CD109: variants seen among roughly 807,000 people sequenced by gnomAD.
CD109 encodes the protein CD109 antigen.
A neutral mutation model predicts 165.8 loss-of-function variants in CD109; 149 were observed. The ratio of observed to expected loss-of-function variants is 0.90; its 90% CI spans 0.79 to 1.03. The LOEUF is 1.03. Ranked by LOEUF, CD109 falls within the 50% of genes least tolerant of loss-of-function variation. The pLI is 0.00. For synonymous variants in CD109, 585 were observed against 592.1 expected, an observed-to-expected ratio of 0.99 and a Z score of 0.18; for missense variants, 1,712 against 1,677.8, an observed-to-expected ratio of 1.02 and a Z score of -0.36.
intron 22 of CD109, among the ~76,000 whole-genome samples, chr6:73,791,178 C>G (rs7767656): frequency 4.9e-5 from 2 of 41,100 alleles, no homozygotes; most frequent in East Asian, 8.9e-4. Flanking sequence ...TATATATATA[C>G]ACACACACAC....
chr6:73,752,314 GGTTAGGGAAGAAAA>G (rs1773223804), intron 5 of CD109, among the ~76,000 whole-genome samples: 1 of 152,130 alleles, frequency 6.6e-6, no homozygotes, highest in Non-Finnish European at 1.5e-5. Flanking sequence ...ATGGCATCAT[GGTTAGGGAAGAAAA>G]ATTCTGTAAC....
Position 73,808,236 on chromosome 6 carries a change from G to T in CD109, c.3343G>T (p.Ala1115Ser), listed in dbSNP as rs770499492. The change falls in exon 26 of 33, where the codon GCA (alanine) becomes TCA (serine). Residue 1115 changes from alanine (A) to serine (S), a missense_variant. Physicochemically the swap from Ala to Ser is moderately conservative, Grantham distance 99. Transcript: ENST00000287097. ...AGCTTTGAATATGCTGACTTGGAGA[G>T]CAGAACAAGAAGGTAATGTGCTGGG... Reference protein sequence around the residue: ...KEALNMLTWRAEQEGGMQFWV... With the variant: ...KEALNMLTWRSEQEGGMQFWV... 2.5e-5 allele frequency: 40 copies of T among 1,612,598 alleles called. No individual in the cohort carries two copies. Among genetic ancestry groups the T allele is most frequent in the Non-Finnish European group, 3.2e-5 (38 of 1,179,320 alleles).
intron 5 of CD109, among the ~76,000 whole-genome samples, chr6:73,751,919 C>T (rs1773204260): frequency 6.6e-6 from 1 of 152,210 alleles, no homozygotes; most frequent in African/African-American, 2.4e-5. Flanking sequence ...ACAGGTCCTG[C>T]ATCCTTCACC....
rs1336450638 is a variant in CD109, at chr6:73,771,991, C to T, written c.1827+410C>T. 2.6e-5 allele frequency among the ~76,000 whole-genome samples: 4 copies of T among 152,250 alleles called. No individual in the cohort carries two copies. In the East Asian group the frequency reaches 5.8e-4, roughly 22 times the overall value. On this transcript the variant is annotated intron_variant, in intron 15 of 32. Coordinates refer to ENST00000287097, the MANE Select transcript of CD109 (RefSeq NM_133493.5). ...TATGTTAATTAGCTTAATCATTCCA[C>T]AGTATATACAAATATCAATATATCA... is the stretch of plus-strand genomic sequence containing the variant.
intron 15 of CD109, among the ~76,000 whole-genome samples, chr6:73,777,272 T>TA (rs201121102): frequency 2.7e-5 from 4 of 148,774 alleles, no homozygotes; most frequent in East Asian, 2.0e-4. Context: ...TTTGCTGGCT[T>TA]AAAAAAATTT....
intron 10 of CD109, among the ~76,000 whole-genome samples, chr6:73,765,435 C>T (rs141734133): frequency 5.3e-5 from 8 of 152,158 alleles, no homozygotes; most frequent in Non-Finnish European, 8.8e-5. Flanking sequence ...CATGGTTGCT[C>T]ATTTTAGATA....
chr6:73,681,169 T>C, the CD109 span, among the ~76,000 whole-genome samples: 1 of 152,182 alleles, frequency 6.6e-6, no homozygotes. Flanking sequence ...CTATTCTCTC[T>C]CTTTTTTACC....
intron 25 of CD109, 83 bp downstream of exon 25, chr6:73,807,155 C>A: frequency 1.0e-6 from 1 of 988,062 alleles, no homozygotes; most frequent in Non-Finnish European, 1.5e-6. Flanking sequence ...TGTGTGGAAA[C>A]TTAACAAGTT....
intron 23 of CD109, among the ~76,000 whole-genome samples, chr6:73,795,943 G>A (rs1367532873): frequency 2.0e-5 from 3 of 152,166 alleles, no homozygotes; most frequent in Admixed American, 6.5e-5. Flanking sequence ...TATTCAACAC[G>A]TAGTAAGTGC....
chr6:73,774,760 A>G (rs1269658032), intron 15 of CD109, among the ~76,000 whole-genome samples: 1 of 152,160 alleles, frequency 6.6e-6, no homozygotes, highest in Non-Finnish European at 1.5e-5. Flanking sequence ...TGCTGTGTCT[A>G]GCTGCCTTCT....
intron 2 of CD109, among the ~76,000 whole-genome samples, chr6:73,713,130 A>G (rs983750700): frequency 5.3e-5 from 8 of 152,056 alleles, no homozygotes; most frequent in Admixed American, 1.3e-4. Context: ...TGTGTAAATT[A>G]TTGCTAAATG....
At chr6:73,697,982 A>G (rs1770919704) in intron 2 of CD109, among the ~76,000 whole-genome samples, 1 of 152,202 alleles carries the variant, frequency 6.6e-6, no homozygotes, top group South Asian at 2.1e-4. Context: ...CAGAAGAGGA[A>G]ATGGGCTAGT....
chr6:73,801,594 A>G lies in CD109; in HGVS notation c.2879-1626A>G, dbSNP rs140827549. On this transcript the variant is annotated intron_variant, in intron 23 of 32. Coordinates refer to ENST00000287097, the MANE Select transcript of CD109 (RefSeq NM_133493.5). ...ATTGTAACTTAAATCAGATACTTAA[A>G]TCTAGGGTTTCTTTTGGAAAGACTC... Among the ~76,000 whole-genome samples the G allele has an allele frequency of 5.6e-4, 85 of 152,284 alleles. 1 individual carries two copies. Among genetic ancestry groups the G allele is most frequent in the African/African-American group, 2.0e-3 (82 of 41,572 alleles).
At chr6:73,715,565 CAAAA>C (rs61331986) in intron 2 of CD109, among the ~76,000 whole-genome samples, 4 of 71,056 alleles carry the variant, frequency 5.6e-5, no homozygotes, top group Admixed American at 1.4e-4. Context: ...ACCCTGTCTC[CAAAA>C]AAAAAAAAAA....
At chr6:73,811,221 T>C in intron 28 of CD109, 74 bp downstream of exon 28, 1 of 1,465,436 alleles carries the variant, frequency 6.8e-7, no homozygotes, top group Non-Finnish European at 9.2e-7. Context: ...TTATTTGTAA[T>C]CTGTTGATTT....
intron 2 of CD109, among the ~76,000 whole-genome samples, chr6:73,713,655 C>T (rs182758580): frequency 3.3e-5 from 5 of 152,258 alleles, no homozygotes; most frequent in South Asian, 2.1e-4. Flanking sequence ...TTGAACTGCT[C>T]GTCCAACTTC....
chr6:73,794,069 T>C lies in CD109; in HGVS notation c.2878+1267T>C, dbSNP rs79380213. ...TGAGCTTTTCTTCCAGGTTCCATTA[T>C]TGTGTAGAGACCTTTTTATTCTAAA... On this transcript the variant is annotated intron_variant, in intron 23 of 32. Coordinates refer to ENST00000287097, the MANE Select transcript of CD109 (RefSeq NM_133493.5). 4.0e-3 allele frequency among the ~76,000 whole-genome samples: 614 copies of C among 152,358 alleles called. 12 individuals carry two copies. In the East Asian group the frequency reaches 0.046, roughly 11 times the overall value.
chr6:73,680,994 T>G, the CD109 span, among the ~76,000 whole-genome samples: 2 of 152,090 alleles, frequency 1.3e-5, no homozygotes, highest in African/African-American at 2.4e-5. Flanking sequence ...AGCCTAGAAA[T>G]TTGCCTATTT....
In CD109 at chr6:73,758,061, C is replaced by T. The variant is rs962376198; in HGVS notation, c.674-883C>T. On this transcript the variant is annotated intron_variant, in intron 6 of 32. Coordinates refer to ENST00000287097, the MANE Select transcript of CD109 (RefSeq NM_133493.5). The stretch of plus-strand genomic sequence containing the variant: ...TTCTTGGTGGTGGGGGTTGCGGGGG[C>T]GGGGTCATAGTTGACTCACGTGACT... Among the ~76,000 whole-genome samples the T allele has an allele frequency of 9.9e-5, 15 of 151,312 alleles. 1 individual carries two copies. The highest frequency in any genetic ancestry group is 4.0e-4 in the Admixed American group (6 of 15,164).
Sources: gnomAD v4.1 joint callset for allele counts (sites outside exome capture counted in the v4.1 genomes callset) on GRCh38, gnomAD v4.1.1 for gene constraint, MANE v1.5 for transcripts, NCBI Gene and HGNC (gene_info 2026-07-23, HGNC 2026-07-21) for gene names.